The following PIP4K2A variants were observed in gnomAD, a reference collection of about 807,000 sequenced individuals.
PIP4K2A encodes the protein phosphatidylinositol-5-phosphate 4-kinase type 2 alpha.
A neutral mutation model predicts 42.9 loss-of-function variants in PIP4K2A; 14 were observed. That is an observed-to-expected ratio of 0.33 (90% confidence interval 0.22 to 0.51). PIP4K2A has a LOEUF of 0.51. Among genes scored for constraint, PIP4K2A ranks in the 20% least tolerant of loss-of-function variants. The pLI, the probability that PIP4K2A is intolerant of heterozygous loss-of-function variation, is 0.97. For missense variants in PIP4K2A, 434 were observed against 519.8 expected, an observed-to-expected ratio of 0.83 and a Z score of 1.61; for synonymous variants, 192 against 192.2, an observed-to-expected ratio of 1.00 and a Z score of 0.01.
intron 6 of PIP4K2A, among the ~76,000 whole-genome samples, chr10:22,564,007 T>C (rs1438442441): frequency 6.6e-6 from 1 of 152,208 alleles, no homozygotes; most frequent in Non-Finnish European, 1.5e-5. Flanking sequence ...CCTAGAAAGA[T>C]GAGTTCTCGG....
intron 3 of PIP4K2A, among the ~76,000 whole-genome samples, chr10:22,599,613 G>C (rs750444274): frequency 6.6e-6 from 1 of 152,236 alleles, no homozygotes; most frequent in African/African-American, 2.4e-5. Context: ...TAGGGAGCTA[G>C]AGAAAAACGA....
At chr10:22,701,673 T>A (rs554418636) in intron 1 of PIP4K2A, among the ~76,000 whole-genome samples, 3 of 152,360 alleles carry the variant, frequency 2.0e-5, no homozygotes, top group Non-Finnish European at 1.5e-5. Flanking sequence ...CTGACAGGGT[T>A]ATTCAGGTCA....
Position 22,540,917 on chromosome 10 carries a change from A to C in PIP4K2A, c.1037-843T>G, listed in dbSNP as rs1363316284. Among the ~76,000 whole-genome samples, 5 of 152,330 alleles carry C rather than the reference A, an allele frequency of 3.3e-5. No homozygotes were observed. The East Asian group carries it at 9.6e-4, about 29-fold the overall frequency. On this transcript the variant is annotated intron_variant, in intron 8 of 9. Transcript: ENST00000376573. ...GTAAGAAAAGTACATTTGACTATCT[A>C]ATTTTCTGTGTTGAAGAAAACATTT...
intron 1 of PIP4K2A, among the ~76,000 whole-genome samples, chr10:22,640,419 C>T (rs1446304947): frequency 6.6e-6 from 1 of 152,180 alleles, no homozygotes; most frequent in Admixed American, 6.5e-5. Flanking sequence ...ACAGGAGCCT[C>T]AGCTTGTTTG....
In PIP4K2A at chr10:22,567,884, A is replaced by G. The variant is rs372474211; in HGVS notation, c.645T>C (p.Ser215=). 6.2e-7 allele frequency: 1 copy of G among 1,613,848 alleles called. No homozygotes were observed. The highest frequency in any genetic ancestry group is 8.5e-7 in the Non-Finnish European group (1 of 1,179,672). ...SVYRKYDLKG[S]TVAREASDKE... ...TGTCACTAGCTTCTCTAGCCACTGT[A>G]GAGCCCTGAAACACAAGGCAATAAT... is the stretch of plus-strand genomic sequence containing the variant. Residue 215 remains serine (S), a synonymous_variant, in exon 6 of 10, where the codon TCT becomes TCC. Coordinates refer to ENST00000376573, the MANE Select transcript of PIP4K2A (RefSeq NM_005028.5).
At chr10:22,613,316 G>A (rs1224156882) in intron 1 of PIP4K2A, among the ~76,000 whole-genome samples, 1 of 152,134 alleles carries the variant, frequency 6.6e-6, no homozygotes, top group African/African-American at 2.4e-5. Context: ...GGACAGGAGC[G>A]AGATGAAGAG....
At chr10:22,628,616 T>A (rs1404242130) in intron 1 of PIP4K2A, among the ~76,000 whole-genome samples, 1 of 152,122 alleles carries the variant, frequency 6.6e-6, no homozygotes, top group African/African-American at 2.4e-5. Context: ...ACATGAGATA[T>A]CAGATACACG....
At chr10:22,610,278 G>A (rs532047703) in intron 1 of PIP4K2A, among the ~76,000 whole-genome samples, 39 of 152,322 alleles carry the variant, frequency 2.6e-4, no homozygotes, top group Non-Finnish European at 5.1e-4. Context: ...GTGGTCCCAG[G>A]ACTACAAGAG....
At chr10:22,674,912 A>G (rs1241726905) in intron 1 of PIP4K2A, among the ~76,000 whole-genome samples, 1 of 152,124 alleles carries the variant, frequency 6.6e-6, no homozygotes, top group East Asian at 1.9e-4. Context: ...GCAGTGAGCT[A>G]TCATCATGCC....
intron 1 of PIP4K2A, among the ~76,000 whole-genome samples, chr10:22,704,688 G>C (rs1212110467): frequency 6.7e-6 from 1 of 148,362 alleles, no homozygotes; most frequent in Non-Finnish European, 1.5e-5. Flanking sequence ...GAAAACACGA[G>C]AAGACACTAA....
At chr10:22,538,572 G>T (rs1262525358) in intron 9 of PIP4K2A, among the ~76,000 whole-genome samples, 1 of 152,174 alleles carries the variant, frequency 6.6e-6, no homozygotes, top group African/African-American at 2.4e-5. Flanking sequence ...GGTCAAACGA[G>T]GATTCCTCGC....
chr10:22,639,403 CA>C lies in PIP4K2A; in HGVS notation c.145-29687del, dbSNP rs1838732957. Reference sequence around the variant, plus strand: ...TAACATTTTGATTAACTTAGAGACACAAAACAAATATAGTTCTCTAATTTCT... The same window carrying C: ...TAACATTTTGATTAACTTAGAGACACAAACAAATATAGTTCTCTAATTTCT... On this transcript the variant is annotated intron_variant, in intron 1 of 9. Coordinates refer to ENST00000376573, the MANE Select transcript of PIP4K2A (RefSeq NM_005028.5). Among the ~76,000 whole-genome samples, 3 of 145,100 alleles carry C rather than the reference CA, an allele frequency of 2.1e-5. No homozygotes were observed. The South Asian group carries it at 6.5e-4, about 31-fold the overall frequency.
At chr10:22,567,638 C>A in intron 6 of PIP4K2A, 1 of 724,206 alleles carries the variant, frequency 1.4e-6, no homozygotes, top group East Asian at 2.6e-5. Context: ...ATGCTTGCAA[C>A]AAATAACTGT....
chr10:22,614,513 T>A (rs1204852023), intron 1 of PIP4K2A, among the ~76,000 whole-genome samples: 1 of 152,152 alleles, frequency 6.6e-6, no homozygotes, highest in Non-Finnish European at 1.5e-5. Flanking sequence ...CCCTCCGGAT[T>A]CCCCCCAGAA....
At chr10:22,656,387 AC>A (rs898559600) in intron 1 of PIP4K2A, among the ~76,000 whole-genome samples, 6 of 152,190 alleles carry the variant, frequency 3.9e-5, no homozygotes, top group Non-Finnish European at 5.9e-5. Flanking sequence ...CAGACGTATG[AC>A]CCAATTTGGG....
At chr10:22,669,773 A>C (rs1347652626) in intron 1 of PIP4K2A, among the ~76,000 whole-genome samples, 2 of 152,144 alleles carry the variant, frequency 1.3e-5, no homozygotes, top group Admixed American at 6.5e-5. Context: ...CTTTTTTACC[A>C]ACCGTTTTTT....
At chr10:22,568,266 C>T (rs1371340575) in intron 5 of PIP4K2A, among the ~76,000 whole-genome samples, 1 of 152,214 alleles carries the variant, frequency 6.6e-6, no homozygotes, top group Admixed American at 6.5e-5. Flanking sequence ...ATAGTCAGTC[C>T]TGTTATCTTA....
At chr10:22,624,059 C>G (rs757385246) in intron 1 of PIP4K2A, among the ~76,000 whole-genome samples, 1 of 152,174 alleles carries the variant, frequency 6.6e-6, no homozygotes, top group Non-Finnish European at 1.5e-5. Flanking sequence ...CCAGAGCTAT[C>G]AAAATGCGCA....
intron 1 of PIP4K2A, among the ~76,000 whole-genome samples, chr10:22,636,659 A>G (rs1402384584): frequency 6.6e-6 from 1 of 152,248 alleles, no homozygotes; most frequent in Non-Finnish European, 1.5e-5. Flanking sequence ...GGGAATAGAG[A>G]CATGTCCTTC....
Sources: allele counts gnomAD v4.1 joint callset (sites outside exome capture counted in the v4.1 genomes callset), GRCh38; gene constraint gnomAD v4.1.1; transcripts MANE v1.5; gene names NCBI Gene and HGNC (gene_info 2026-07-23, HGNC 2026-07-21).